Variants in BCAS2 observed in about 807,000 individuals in gnomAD.
BCAS2 encodes the protein BCAS2 pre-mRNA processing factor, also known as pre-mRNA-splicing factor SPF27.
In BCAS2, 34 loss-of-function variants were observed where a neutral mutation model predicts 35.3. That is an observed-to-expected ratio of 0.96 (90% confidence interval 0.73 to 1.28). The LOEUF (loss-of-function observed/expected upper bound fraction) is 1.28. Among genes scored for constraint, BCAS2 ranks in the 50% most tolerant of loss-of-function variants. The pLI is 0.00. For synonymous variants in BCAS2, 75 were observed against 91.6 expected, an observed-to-expected ratio of 0.82 and a Z score of 1.03; for missense variants, 221 against 268.1, an observed-to-expected ratio of 0.82 and a Z score of 1.23.
intron 4 of BCAS2, among the ~76,000 whole-genome samples, chr1:114,571,366 T>C (rs1378768930): frequency 6.6e-6 from 1 of 152,082 alleles, no homozygotes; most frequent in Non-Finnish European, 1.5e-5. Context: ...CAGCTTTTTT[T>C]TGCGGAGGGG....
At chr1:114,568,406 GC>G in intron 6 of BCAS2, 150 bp from the exon 7 acceptor site, 2 of 898,460 alleles carry the variant, frequency 2.2e-6, no homozygotes, top group Non-Finnish European at 3.1e-6. Flanking sequence ...CGCTCTTGTT[GC>G]CCAGGCTGGA....
At chr1:114,577,759 T>C (rs1654801268) in intron 2 of BCAS2, among the ~76,000 whole-genome samples, 2 of 152,246 alleles carry the variant, frequency 1.3e-5, no homozygotes, top group African/African-American at 4.8e-5. Context: ...ACCCTGAGGA[T>C]AAAGAACTGC....
intron 2 of BCAS2, among the ~76,000 whole-genome samples, chr1:114,580,981 T>C (rs898207048): frequency 6.6e-6 from 1 of 152,204 alleles, no homozygotes; most frequent in African/African-American, 2.4e-5. Flanking sequence ...TAAAAAACCC[T>C]AGATCACTTG....
chr1:114,576,431 T>TTTATTATTATTA lies in BCAS2; in HGVS notation c.257+245_257+256dup, dbSNP rs147601064. ...GTGCGTGCCACCACACCCAGGTACG[T>TTTATTATTATTA]TTATTATTATTATTATTATTATTAT... is the stretch of plus-strand genomic sequence containing the variant. On this transcript the variant is annotated intron_variant, in intron 3 of 6. Transcript: ENST00000369541. Among the ~76,000 whole-genome samples the TTTATTATTATTA allele has an allele frequency of 7.1e-3, 1,047 of 147,046 alleles. 17 individuals carry two copies. The highest frequency in any genetic ancestry group is 0.021 in the African/African-American group (855 of 39,770).
At chr1:114,576,122 C>T (rs1311496650) in intron 3 of BCAS2, among the ~76,000 whole-genome samples, 1 of 151,876 alleles carries the variant, frequency 6.6e-6, no homozygotes, top group Non-Finnish European at 1.5e-5. Flanking sequence ...CACACCCACC[C>T]ATCCACTAAC....
intron 4 of BCAS2, among the ~76,000 whole-genome samples, chr1:114,573,838 C>A (rs1654701289): frequency 6.6e-6 from 1 of 152,110 alleles, no homozygotes; most frequent in Non-Finnish European, 1.5e-5. Context: ...TCCACTGGAT[C>A]ATTTTTATGT....
chr1:114,568,659 G>A (rs1654576559), intron 6 of BCAS2, among the ~76,000 whole-genome samples: 1 of 150,542 alleles, frequency 6.6e-6, no homozygotes, highest in African/African-American at 2.4e-5. Context: ...GAGCTACCAT[G>A]CCTGGCCTAA....
chr1:114,572,772 G>A (rs1297296597), intron 4 of BCAS2, among the ~76,000 whole-genome samples: 2 of 152,104 alleles, frequency 1.3e-5, no homozygotes, highest in Non-Finnish European at 1.5e-5. Flanking sequence ...TTTGGGTTGA[G>A]TTAAAAGTCT....
chr1:114,576,226 T>C (rs1169412296), intron 3 of BCAS2, among the ~76,000 whole-genome samples: 1 of 133,906 alleles, frequency 7.5e-6, no homozygotes, highest in Non-Finnish European at 1.7e-5. Flanking sequence ...ACACTGCCTC[T>C]CTCTCTCTCT....
Position 114,575,730 on chromosome 1 carries a change from G to C in BCAS2, c.279C>G (p.Ser93=). The C allele has an allele frequency of 6.2e-7, 1 of 1,612,282 alleles. No homozygotes were observed. The highest frequency in any genetic ancestry group is 8.5e-7 in the Non-Finnish European group (1 of 1,179,562). Residue 93 remains serine (S), a synonymous_variant, in exon 4 of 7, where the codon TCC becomes TCG. Coordinates refer to ENST00000369541, the MANE Select transcript of BCAS2 (RefSeq NM_005872.3). The part of the protein sequence containing the change: ...SMKRYELPAP[S]SGQKNDITAW... The stretch of plus-strand genomic sequence containing the variant: ...CAGTAATGTCATTTTTTTGACCAGA[G>C]GAGGGGGCTGGAAGCTCATATCTGA...
At chr1:114,576,225 C>CTG (rs1654759749) in intron 3 of BCAS2, among the ~76,000 whole-genome samples, 1 of 131,640 alleles carries the variant, frequency 7.6e-6, no homozygotes, top group Non-Finnish European at 1.7e-5. Flanking sequence ...AACACTGCCT[C>CTG]TCTCTCTCTC....
intron 4 of BCAS2, among the ~76,000 whole-genome samples, chr1:114,572,965 T>G (rs1257523250): frequency 6.6e-6 from 1 of 151,462 alleles, no homozygotes; most frequent in Non-Finnish European, 1.5e-5. Context: ...ATACAAAAAT[T>G]AGCCAGGCGT....
Position 114,568,107 on chromosome 1 carries a change from C to T in BCAS2, c.*23G>A. On this transcript the variant is annotated 3_prime_UTR_variant, in exon 7 of 7. Transcript: ENST00000369541. ...TGCCTTTTGTGAAAGCCCAACTTTT[C>T]TTCTACCTGCTAAATTGTCTTTTCA... 1 of 1,611,418 alleles carries T rather than the reference C, an allele frequency of 6.2e-7. No homozygotes were observed. Among genetic ancestry groups the T allele is most frequent in the Non-Finnish European group, 8.5e-7 (1 of 1,179,720 alleles).
intron 4 of BCAS2, among the ~76,000 whole-genome samples, chr1:114,575,043 T>C (rs1398309549): frequency 1.3e-5 from 2 of 151,576 alleles, no homozygotes; most frequent in Admixed American, 6.6e-5. Flanking sequence ...AATCTTTTTT[T>C]TTTTTTTTAG....
At chr1:114,574,785 TG>T (rs1490763946) in intron 4 of BCAS2, among the ~76,000 whole-genome samples, 2 of 152,226 alleles carry the variant, frequency 1.3e-5, no homozygotes. Flanking sequence ...GCCTTTCATA[TG>T]GGTTGCAGTT....
In BCAS2 at chr1:114,581,383, C is replaced by T. The variant is rs1356003016; in HGVS notation, c.102G>A (p.Ala34=). ...EAPGVREAAA[A]LVEEETRRYR... is the part of the protein sequence containing the mutation. Reference sequence around the variant, plus strand: ...ATCTGCGAGTTTCCTCCTCCACCAGCGCTGCAGCCTAAGAAAGAGAATAGG... The same window carrying T: ...ATCTGCGAGTTTCCTCCTCCACCAGTGCTGCAGCCTAAGAAAGAGAATAGG... The change falls in exon 2 of 7, where the codon GCG becomes GCA. Residue 34 remains alanine (A), a synonymous_variant. Transcript: ENST00000369541. The T allele has an allele frequency of 2.5e-6, 4 of 1,614,010 alleles. No homozygotes were observed. In the South Asian group the frequency reaches 3.3e-5, roughly 13 times the overall value.
intron 4 of BCAS2, among the ~76,000 whole-genome samples, chr1:114,574,041 G>A (rs1654703847): frequency 6.6e-6 from 1 of 152,100 alleles, no homozygotes; most frequent in Non-Finnish European, 1.5e-5. Flanking sequence ...GGCACAAAGG[G>A]GCCATGCAGA....
At chr1:114,569,705 G>A (rs891343566) in intron 6 of BCAS2, among the ~76,000 whole-genome samples, 9 of 151,136 alleles carry the variant, frequency 6.0e-5, no homozygotes, top group Admixed American at 2.6e-4. Flanking sequence ...TAAAGGTAGA[G>A]TTCTATTCAA....
chr1:114,570,165 A>G, intron 5 of BCAS2, 93 bp from the exon 6 acceptor site: 1 of 852,924 alleles, frequency 1.2e-6, no homozygotes, highest in Non-Finnish European at 1.9e-6. Context: ...TCTTAATCCC[A>G]TGAGAACAAT....
Sources: gnomAD v4.1 joint callset for allele counts (sites outside exome capture counted in the v4.1 genomes callset) on GRCh38, gnomAD v4.1.1 for gene constraint, MANE v1.5 for transcripts, NCBI Gene and HGNC (gene_info 2026-07-23, HGNC 2026-07-21) for gene names.